The following ZNF800 variants were observed in gnomAD, a reference collection of about 807,000 sequenced individuals.
ZNF800 encodes the protein zinc finger protein 800.
In ZNF800, 13 loss-of-function variants were observed where a neutral mutation model predicts 59.5. That is an observed-to-expected ratio of 0.22 (90% CI 0.14 to 0.35). The LOEUF (loss-of-function observed/expected upper bound fraction) is 0.35, where lower values mean the gene tolerates loss of function less well. Among genes scored for constraint, ZNF800 ranks in the 10% least tolerant of loss-of-function variants. ZNF800 has a pLI of 1.00. For synonymous variants in ZNF800, 266 were observed against 265.7 expected, an observed-to-expected ratio of 1.00 and a Z score of -0.01; for missense variants, 621 against 783.7, an observed-to-expected ratio of 0.79 and a Z score of 2.48.
chr7:127,368,460 A>G (rs2117076468), downstream of ZNF800, among the ~76,000 whole-genome samples: 1 of 152,276 alleles, frequency 6.6e-6, no homozygotes, highest in Middle Eastern at 3.4e-3. Flanking sequence ...GCTTCAGATC[A>G]ACTGAAAGCC....
intron 1 of ZNF800, among the ~76,000 whole-genome samples, chr7:127,349,099 T>A (rs1413662279): frequency 1.3e-5 from 2 of 152,160 alleles, no homozygotes; most frequent in Non-Finnish European, 2.9e-5. Flanking sequence ...AGAAATGTAA[T>A]TTGATTTGTA....
chr7:127,389,853 C>T (rs928450433), intron 2 of ZNF800, among the ~76,000 whole-genome samples: 4 of 152,006 alleles, frequency 2.6e-5, no homozygotes, highest in Non-Finnish European at 4.4e-5. Context: ...TTTCAATACA[C>T]GTTAAAAAGC....
chr7:127,356,864 C>T (rs556050270), intron 1 of ZNF800, among the ~76,000 whole-genome samples: 38 of 151,874 alleles, frequency 2.5e-4, no homozygotes, highest in Admixed American at 5.9e-4. Flanking sequence ...GTCATTTCTA[C>T]TATTGACTTC....
At chr7:127,379,259 T>C (rs550231680) in intron 3 of ZNF800, among the ~76,000 whole-genome samples, 129 of 152,276 alleles carry the variant, frequency 8.5e-4, no homozygotes, top group African/African-American at 3.1e-3. Flanking sequence ...AGTGACAAAC[T>C]ATGAGAGGTA....
chr7:127,362,239 T>G (rs1005985944), intron 1 of ZNF800: 4 of 152,100 alleles, frequency 2.6e-5, no homozygotes, highest in African/African-American at 9.7e-5. Context: ...GAAATACAAA[T>G]AGCCTCCATG....
At chr7:127,348,322 AG>A (rs1194538777) in intron 1 of ZNF800, among the ~76,000 whole-genome samples, 1 of 152,028 alleles carries the variant, frequency 6.6e-6, no homozygotes, top group Non-Finnish European at 1.5e-5. Flanking sequence ...CAGAAAGTCT[AG>A]CTTGAGAATT....
exon 2 of ZNF800, chr7:127,347,353 T>C (rs1164658739): frequency 9.3e-6 from 1 of 107,914 alleles, no homozygotes; most frequent in Non-Finnish European, 1.7e-5. Flanking sequence ...AACAATCTTC[T>C]GGCAGATGGC....
In ZNF800 at chr7:127,374,488, A is replaced by C; in HGVS notation, c.848T>G (p.Val283Gly). The change falls in exon 5 of 6, where the codon GTT becomes GGT. Residue 283 changes from valine (V) to glycine (G), a missense_variant. Around this residue, in one of 7 missense-constraint regions of ZNF800, gnomAD observed 218 missense variants for 230.8 expected, o/e 0.94. Coordinates refer to ENST00000265827, the MANE Select transcript of ZNF800 (RefSeq NM_176814.5). ...SSKGRSKNVL[V>G]PLSRSCPVCC... is the part of the protein sequence containing the mutation. Reference sequence around the variant, plus strand: ...TACTGGACAACTCCTACTTAATGGAACTAGAACATTCTTACTGCGTCCTTT... The same window carrying C: ...TACTGGACAACTCCTACTTAATGGACCTAGAACATTCTTACTGCGTCCTTT... The C allele has an allele frequency of 6.2e-7, 1 of 1,614,138 alleles. No individual in the cohort carries two copies.
chr7:127,364,873 A>G (rs2117063178), intron 1 of ZNF800: 1 of 152,220 alleles, frequency 6.6e-6, no homozygotes, highest in African/African-American at 2.4e-5. Context: ...GGAAGCAAAG[A>G]TGGGGTTGAA....
Position 127,374,159 on chromosome 7 carries a change from T to C in ZNF800, c.1177A>G (p.Arg393Gly). ...GCAGTATTATTAGGGCCTTTTTCTC[T>C]TTTAGAGTTTGTTCCAGAAAGAGTT... ...KITLSGTNSKREKGPNNTANS... is the reference protein window; with the variant it reads ...KITLSGTNSKGEKGPNNTANS... The change falls in exon 5 of 6, where the codon AGA (arginine) becomes GGA (glycine). Residue 393 changes from arginine (R) to glycine (G), a missense_variant. Physicochemically the swap from Arg to Gly is moderately radical, Grantham distance 125 (BLOSUM62 -2). This residue lies in a region of ZNF800 where 185 missense variants were observed against 177.6 expected (regional missense o/e 1.04). Transcript: ENST00000265827. 6.2e-7 allele frequency: 1 copy of C among 1,613,570 alleles called. No individual in the cohort carries two copies.
intron 3 of ZNF800, among the ~76,000 whole-genome samples, chr7:127,379,915 T>C (rs1800924433): frequency 7.7e-6 from 1 of 130,122 alleles, no homozygotes; most frequent in Admixed American, 9.4e-5. Flanking sequence ...CAAGTGTGTG[T>C]ATCGTTGATC....
chr7:127,373,646 G>T lies in ZNF800; in HGVS notation c.1690C>A (p.Pro564Thr). ...ASLEIRAIKK[P>T]IDFVLNKVAK... Reference sequence around the variant, plus strand: ...ACTTTATTTAGAACAAAATCAATAGGCTTTTTTATAGCTCTGATCTCTAAA... The same window carrying T: ...ACTTTATTTAGAACAAAATCAATAGTCTTTTTTATAGCTCTGATCTCTAAA... Residue 564 changes from proline to threonine, a missense_variant, in exon 5 of 6, where the codon CCT becomes ACT. By Grantham distance (38) the Pro-to-Thr change is conservative. Coordinates refer to ENST00000265827, the MANE Select transcript of ZNF800 (RefSeq NM_176814.5). 6.2e-7 allele frequency: 1 copy of T among 1,613,974 alleles called. No individual in the cohort carries two copies. The highest frequency in any genetic ancestry group is 8.5e-7 in the Non-Finnish European group (1 of 1,179,984).
downstream of ZNF800, among the ~76,000 whole-genome samples, chr7:127,365,970 A>G (rs951809): frequency 0.3 from 45,420 of 152,072 alleles, 8,764 homozygotes; most frequent in East Asian, 0.75. Flanking sequence ...TATTGTGCTA[A>G]GTACACTATA....
chr7:127,371,766 T>G lies in ZNF800; in HGVS notation c.*48A>C, dbSNP rs1228123486. 1 of 750,658 alleles carries G rather than the reference T, an allele frequency of 1.3e-6. No individual in the cohort carries two copies. Among genetic ancestry groups the G allele is most frequent in the African/African-American group, 1.7e-5 (1 of 57,382 alleles). The allele number at this position is 750,658 out of a possible 1,614,324, so 46.5% of individuals were successfully genotyped here. ...GTGGTTCTAACACCAATTTAAAGTC[T>G]TTCCACAAAAATGAACTCCAAACCT... is the stretch of plus-strand genomic sequence containing the variant. On this transcript the variant is annotated 3_prime_UTR_variant, in exon 6 of 6. Transcript: ENST00000265827.
chr7:127,362,484 C>A (rs1369243715), intron 1 of ZNF800: 2 of 152,144 alleles, frequency 1.3e-5, no homozygotes, highest in Non-Finnish European at 2.9e-5. Flanking sequence ...CCTGTAATTT[C>A]CCTGCCTTTG....
At chr7:127,379,047 C>A (rs4731354) in intron 3 of ZNF800, among the ~76,000 whole-genome samples, 97,432 of 151,888 alleles carry the variant, frequency 0.64, 31,654 homozygotes, top group East Asian at 0.86. Context: ...TTTCCCAAAT[C>A]CAAATCTATG....
chr7:127,348,529 G>A (rs921473492), intron 1 of ZNF800, among the ~76,000 whole-genome samples: 1 of 151,888 alleles, frequency 6.6e-6, no homozygotes, highest in African/African-American at 2.4e-5. Flanking sequence ...TTGAAATAAT[G>A]CTGTGAAATA....
intron 1 of ZNF800, among the ~76,000 whole-genome samples, chr7:127,359,034 T>G (rs761699448): frequency 2.0e-5 from 3 of 152,166 alleles, no homozygotes. Flanking sequence ...AGTTGAAATC[T>G]TCAACCTTTA....
intron 2 of ZNF800, among the ~76,000 whole-genome samples, chr7:127,390,120 T>C (rs1801260474): frequency 6.6e-6 from 1 of 152,112 alleles, no homozygotes; most frequent in Non-Finnish European, 1.5e-5. Flanking sequence ...AATTTCTTCC[T>C]AAATAAGATG....
Sources: allele counts gnomAD v4.1 joint callset (sites outside exome capture counted in the v4.1 genomes callset), GRCh38; gene constraint gnomAD v4.1.1; regional missense constraint gnomAD v4.1.1; transcripts MANE v1.5; gene names NCBI Gene and HGNC (gene_info 2026-07-23, HGNC 2026-07-21).